Variants in PCDH15 observed in about 807,000 individuals in gnomAD.
PCDH15 encodes the protein protocadherin-15.
In PCDH15, 129 loss-of-function variants were observed where a neutral mutation model predicts 178.5. That is an observed-to-expected ratio of 0.72 (90% confidence interval 0.63 to 0.84). PCDH15 has a LOEUF of 0.84. PCDH15 is among the 40% of genes least tolerant of loss of function. The pLI is 0.00. For missense variants in PCDH15, 2,230 were observed against 2,099.9 expected, an observed-to-expected ratio of 1.06 and a Z score of -1.21; for synonymous variants, 800 against 732.0, an observed-to-expected ratio of 1.09 and a Z score of -1.50.
chr10:54,533,676 C>T (rs2084168275), intron 2 of PCDH15, among the ~76,000 whole-genome samples: 1 of 152,086 alleles, frequency 6.6e-6, no homozygotes, highest in African/African-American at 2.4e-5. Context: ...TAAGCTATTT[C>T]CTTACAAGCT....
At chr10:54,133,211 C>G (rs1009177650) in intron 14 of PCDH15, among the ~76,000 whole-genome samples, 2 of 152,178 alleles carry the variant, frequency 1.3e-5, no homozygotes, top group Non-Finnish European at 2.9e-5. Context: ...AAGTAATTGA[C>G]TCCAGTATCT....
At chr10:55,308,478 A>T (rs1050404821) in intron 1 of PCDH15, among the ~76,000 whole-genome samples, 1 of 152,210 alleles carries the variant, frequency 6.6e-6, no homozygotes, top group African/African-American at 2.4e-5. Flanking sequence ...TCTGTTGTTA[A>T]TCTCATTATT....
chr10:54,615,853 A>T (rs1205225772), intron 2 of PCDH15, among the ~76,000 whole-genome samples: 1 of 152,116 alleles, frequency 6.6e-6, no homozygotes, highest in African/African-American at 2.4e-5. Flanking sequence ...AAATACAGAG[A>T]TAAGTTTTTC....
intron 2 of PCDH15, among the ~76,000 whole-genome samples, chr10:55,415,244 C>G (rs1020394493): frequency 1.3e-5 from 2 of 151,512 alleles, no homozygotes; most frequent in Non-Finnish European, 3.0e-5. Flanking sequence ...ACCTTGTATT[C>G]CAGAGATGAA....
At chr10:53,852,043 T>C (rs751642932) in intron 28 of PCDH15, among the ~76,000 whole-genome samples, 1 of 152,018 alleles carries the variant, frequency 6.6e-6, no homozygotes, top group Non-Finnish European at 1.5e-5. Flanking sequence ...AACTCAGTGT[T>C]TCTAAACTCG....
intron 3 of PCDH15, among the ~76,000 whole-genome samples, chr10:54,825,618 T>C (rs983078982): frequency 1.3e-4 from 19 of 151,016 alleles, no homozygotes; most frequent in African/African-American, 4.6e-4. Flanking sequence ...ATTTCTCTGA[T>C]GGCCAGTGAT....
At chr10:53,871,989 T>C (rs1351505210) in intron 26 of PCDH15, among the ~76,000 whole-genome samples, 2 of 152,126 alleles carry the variant, frequency 1.3e-5, no homozygotes, top group Non-Finnish European at 2.9e-5. Context: ...CTACTAAAAA[T>C]ATAAAATTAG....
intron 20 of PCDH15, among the ~76,000 whole-genome samples, chr10:54,006,860 T>C (rs189727952): frequency 1.6e-3 from 250 of 152,104 alleles, no homozygotes; most frequent in African/African-American, 5.7e-3. Flanking sequence ...TTTCTCGTCA[T>C]TTCACCCCTC....
intron 1 of PCDH15, among the ~76,000 whole-genome samples, chr10:55,210,698 G>A (rs1245006060): frequency 1.6e-5 from 2 of 126,058 alleles, no homozygotes; most frequent in African/African-American, 3.0e-5. Flanking sequence ...GCGCGATCTC[G>A]GCTCACTGCA....
At chr10:54,214,839 C>T (rs1294943516) in intron 9 of PCDH15, among the ~76,000 whole-genome samples, 1 of 152,172 alleles carries the variant, frequency 6.6e-6, no homozygotes, top group Non-Finnish European at 1.5e-5. Context: ...GATACACCCA[C>T]CTCAGCTTCC....
intron 20 of PCDH15, among the ~76,000 whole-genome samples, chr10:54,002,253 C>T (rs1191079535): frequency 6.6e-6 from 1 of 151,898 alleles, no homozygotes; most frequent in East Asian, 1.9e-4. Flanking sequence ...TAGCTGGAAA[C>T]TTCAACATCC....
intron 8 of PCDH15, among the ~76,000 whole-genome samples, chr10:54,312,524 A>C (rs1157587115): frequency 2.0e-5 from 3 of 152,054 alleles, no homozygotes; most frequent in Non-Finnish European, 4.4e-5. Flanking sequence ...TTCCATAGCT[A>C]ATTTATGAAA....
chr10:54,104,021 A>T lies in PCDH15; in HGVS notation c.1918-13958T>A, dbSNP rs188974078. Among the ~76,000 whole-genome samples, 30 of 152,264 alleles carry T rather than the reference A, an allele frequency of 2.0e-4. 1 individual carries two copies. The highest frequency in any genetic ancestry group is 2.0e-3 in the Admixed American group (30 of 15,290). ...AACTTACCTCTAGGGGCCCACAAGG[A>T]CTTTAGTCTAGTTATAGATTCAGAA... On this transcript the variant is annotated intron_variant, in intron 15 of 37. Transcript: ENST00000644397.
At chr10:54,266,980 A>C (rs1443638633) in intron 8 of PCDH15, among the ~76,000 whole-genome samples, 1 of 151,918 alleles carries the variant, frequency 6.6e-6, no homozygotes, top group Non-Finnish European at 1.5e-5. Flanking sequence ...CACACACACA[A>C]AAGAAAACCC....
chr10:55,219,989 C>A (rs1822765), intron 1 of PCDH15, among the ~76,000 whole-genome samples: 1 of 151,730 alleles, frequency 6.6e-6, no homozygotes, highest in East Asian at 1.9e-4. Context: ...GGACCACATG[C>A]TATGGTAGAC....
intron 2 of PCDH15, among the ~76,000 whole-genome samples, chr10:55,059,107 A>G (rs1283017776): frequency 6.6e-6 from 1 of 152,218 alleles, no homozygotes; most frequent in African/African-American, 2.4e-5. Flanking sequence ...GAGCACAGGA[A>G]TAAAGTCAAT....
intron 3 of PCDH15, among the ~76,000 whole-genome samples, chr10:54,493,330 A>T (rs2079785359): frequency 6.6e-6 from 1 of 152,070 alleles, no homozygotes; most frequent in Non-Finnish European, 1.5e-5. Flanking sequence ...AACAAAACTC[A>T]TAGAATGGAT....
intron 3 of PCDH15, among the ~76,000 whole-genome samples, chr10:54,423,042 C>T (rs1043041419): frequency 2.0e-5 from 3 of 152,054 alleles, no homozygotes; most frequent in African/African-American, 7.2e-5. Flanking sequence ...CTAGATACAG[C>T]CAGTTTTTTC....
chr10:54,591,700 A>T (rs1385463020), intron 2 of PCDH15, among the ~76,000 whole-genome samples: 1 of 152,176 alleles, frequency 6.6e-6, no homozygotes, highest in Non-Finnish European at 1.5e-5. Context: ...TAATGAATAA[A>T]ACCAAAAATA....
Sources: gnomAD v4.1 joint callset for allele counts (sites outside exome capture counted in the v4.1 genomes callset) on GRCh38, gnomAD v4.1.1 for gene constraint, MANE v1.5 for transcripts, NCBI Gene and HGNC (gene_info 2026-07-23, HGNC 2026-07-21) for gene names.